The following CNBD1 variants were observed in gnomAD, a reference collection of about 807,000 sequenced individuals.
CNBD1 encodes the protein cyclic nucleotide-binding domain-containing protein 1.
Under a neutral mutation model 54.4 loss-of-function variants are expected in CNBD1, and 71 were observed. The ratio of observed to expected loss-of-function variants is 1.30; its 90% CI spans 1.08 to 1.59. CNBD1 has a LOEUF of 1.59. CNBD1 is among the 40% of genes most tolerant of loss of function. The pLI, the probability that CNBD1 is intolerant of heterozygous loss-of-function variation, is 0.00. For synonymous variants in CNBD1, 182 were observed against 170.7 expected (o/e 1.07, Z -0.51); for missense variants, 659 against 518.0 (o/e 1.27, Z -2.64).
At chr8:87,093,187 A>G (rs993364504) in intron 4 of CNBD1, among the ~76,000 whole-genome samples, 3 of 152,234 alleles carry the variant, frequency 2.0e-5, no homozygotes, top group Non-Finnish European at 2.9e-5. Context: ...AGGAAATGCA[A>G]TAAAGGATCC....
At chr8:86,878,577 G>GA (rs3063708) in intron 1 of CNBD1, among the ~76,000 whole-genome samples, 4,148 of 143,978 alleles carry the variant, frequency 0.029, 171 homozygotes, top group African/African-American at 0.095. Flanking sequence ...ACTTTATTCT[G>GA]AAAAAAAAAA....
chr8:87,383,367 G>A (rs148447966), downstream of CNBD1, among the ~76,000 whole-genome samples: 823 of 152,146 alleles, frequency 5.4e-3, 6 homozygotes, highest in African/African-American at 0.019. Flanking sequence ...GGGGAAAACC[G>A]TACGTTTATT....
Position 87,224,246 on chromosome 8 carries a change from A to C in CNBD1, c.578-12673A>C, listed in dbSNP as rs1814421569. On this transcript the variant is annotated intron_variant, in intron 5 of 10. Transcript: ENST00000518476. ...TGCTGTGCAGAAGCTCTTTAGTTTAATTAGATCCCATTTGTCAATTTTGTC... is the reference window on the plus strand; with the variant it reads ...TGCTGTGCAGAAGCTCTTTAGTTTACTTAGATCCCATTTGTCAATTTTGTC... Among the ~76,000 whole-genome samples the C allele has an allele frequency of 4.7e-5, 7 of 149,838 alleles. No homozygotes were observed. The South Asian group carries it at 1.5e-3, about 31-fold the overall frequency.
intron 4 of CNBD1, among the ~76,000 whole-genome samples, chr8:87,177,707 T>C (rs1813228089): frequency 6.6e-6 from 1 of 152,210 alleles, no homozygotes; most frequent in South Asian, 2.1e-4. Flanking sequence ...CTTTTTGTTT[T>C]AATTGCATTT....
At chr8:87,023,566 ATAC>A (rs1809533813) in intron 4 of CNBD1, among the ~76,000 whole-genome samples, 1 of 152,224 alleles carries the variant, frequency 6.6e-6, no homozygotes, top group African/African-American at 2.4e-5. Context: ...GAGACCCTTA[ATAC>A]TACTAATTTT....
intron 2 of CNBD1, among the ~76,000 whole-genome samples, chr8:87,393,211 G>A (rs549858373): frequency 2.0e-5 from 3 of 151,830 alleles, no homozygotes; most frequent in Admixed American, 6.6e-5. Flanking sequence ...GAGCAGGGAG[G>A]CAGTAGTCCC....
intron 4 of CNBD1, among the ~76,000 whole-genome samples, chr8:87,071,969 A>G (rs1281337622): frequency 6.6e-6 from 1 of 152,096 alleles, no homozygotes; most frequent in Non-Finnish European, 1.5e-5. Context: ...GTCTCTAAGA[A>G]CTTGCTTTAT....
intron 4 of CNBD1, among the ~76,000 whole-genome samples, chr8:87,114,359 T>C (rs1487427774): frequency 6.6e-6 from 1 of 152,210 alleles, no homozygotes; most frequent in Non-Finnish European, 1.5e-5. Context: ...ACTAATTTTT[T>C]TGTTTTTTTG....
At position 87,255,583 on chromosome 8, in the gene CNBD1, A is replaced by G. The variant is rs1392755410; in HGVS notation, c.771+18471A>G. 2.0e-5 allele frequency among the ~76,000 whole-genome samples: 3 copies of G among 151,944 alleles called. No individual in the cohort carries two copies. In the East Asian group the frequency reaches 5.8e-4, roughly 29 times the overall value. On this transcript the variant is annotated intron_variant, in intron 6 of 10. Transcript: ENST00000518476. Reference sequence around the variant, plus strand: ...GTTTTTAAAAAAATACTAAAAATAAATATCTGTTGTTATAATTTTTTAGCA... The same window carrying G: ...GTTTTTAAAAAAATACTAAAAATAAGTATCTGTTGTTATAATTTTTTAGCA...
rs1788001999 is a variant in CNBD1, at chr8:87,323,219, A to T, written c.1043-28466A>T. ...TTTGGTTACTGTAGCCTTGTAGTATAGTTTGAAGTCAGGTAGTGTGATGCC... is the reference window on the plus strand; with the variant it reads ...TTTGGTTACTGTAGCCTTGTAGTATTGTTTGAAGTCAGGTAGTGTGATGCC... On this transcript the variant is annotated intron_variant, in intron 8 of 10. Coordinates refer to ENST00000518476, the MANE Select transcript of CNBD1 (RefSeq NM_173538.3). Among the ~76,000 whole-genome samples, 2 of 114,460 alleles carry T rather than the reference A, an allele frequency of 1.7e-5. 1 individual carries two copies. The highest frequency in any genetic ancestry group is 3.8e-5 in the Non-Finnish European group (2 of 52,710). 75.1% of individuals were successfully genotyped at this position (114,460 alleles called of 152,430 possible).
intron 6 of CNBD1, among the ~76,000 whole-genome samples, chr8:87,237,774 T>G (rs1807612631): frequency 1.3e-5 from 2 of 151,982 alleles, no homozygotes; most frequent in African/African-American, 4.8e-5. Context: ...ACCAAATAAT[T>G]TAGCATTATG....
intron 4 of CNBD1, among the ~76,000 whole-genome samples, chr8:86,964,892 A>G (rs1808030520): frequency 1.3e-5 from 2 of 152,180 alleles, no homozygotes; most frequent in Admixed American, 1.3e-4. Flanking sequence ...CAAGGCAAAG[A>G]AAAATAGTCC....
downstream of CNBD1, among the ~76,000 whole-genome samples, chr8:87,383,059 G>T (rs576594086): frequency 2.0e-5 from 3 of 151,974 alleles, no homozygotes; most frequent in Non-Finnish European, 4.4e-5. Flanking sequence ...AATCTATAAA[G>T]CATATGTAAA....
chr8:87,019,709 C>G (rs1409661195), intron 4 of CNBD1, among the ~76,000 whole-genome samples: 3 of 152,036 alleles, frequency 2.0e-5, no homozygotes, highest in Non-Finnish European at 4.4e-5. Context: ...GAAACCCTGT[C>G]TCTACTAAAA....
intron 4 of CNBD1, among the ~76,000 whole-genome samples, chr8:86,949,516 G>T (rs1030412146): frequency 6.6e-6 from 1 of 152,046 alleles, no homozygotes; most frequent in Non-Finnish European, 1.5e-5. Context: ...TAGTAAATGG[G>T]ATTACTTTTT....
Position 87,353,329 on chromosome 8 carries a change from A to C in CNBD1, c.1153-307A>C, listed in dbSNP as rs377112617. On this transcript the variant is annotated intron_variant, in intron 9 of 10. Transcript: ENST00000518476. ...AAACATCTTAAATGAAACTATGCTC[A>C]CAAAATGATATCCTAGATCCTTGAA... 7.5e-4 allele frequency among the ~76,000 whole-genome samples: 114 copies of C among 152,300 alleles called. No individual in the cohort carries two copies. In the East Asian group the frequency reaches 8.9e-3, roughly 12 times the overall value.
chr8:87,386,338 C>G (rs62528160), downstream of CNBD1, among the ~76,000 whole-genome samples: 1 of 151,730 alleles, frequency 6.6e-6, no homozygotes, highest in Non-Finnish European at 1.5e-5. Flanking sequence ...AAGTTCGAAC[C>G]CATGGCAAAG....
chr8:87,090,951 G>A (rs1412824711), intron 4 of CNBD1, among the ~76,000 whole-genome samples: 1 of 151,892 alleles, frequency 6.6e-6, no homozygotes, highest in African/African-American at 2.4e-5. Context: ...GACAAGCCTG[G>A]CCAACATGTG....
chr8:87,380,551 A>T lies in CNBD1; in HGVS notation c.1304-2069A>T, dbSNP rs1226338888. 2.0e-5 allele frequency among the ~76,000 whole-genome samples: 3 copies of T among 152,088 alleles called. No individual in the cohort carries two copies. In the South Asian group the frequency reaches 6.2e-4, roughly 32 times the overall value. On this transcript the variant is annotated intron_variant, in intron 10 of 10. Transcript: ENST00000518476. ...AAAAATTGTTTTGTCTATTTCTGAA[A>T]AAAAGCACCATTAGGATTTTAATAG...
Sources: gnomAD v4.1 joint callset for allele counts (sites outside exome capture counted in the v4.1 genomes callset) on GRCh38, gnomAD v4.1.1 for gene constraint, MANE v1.5 for transcripts, NCBI Gene and HGNC (gene_info 2026-07-23, HGNC 2026-07-21) for gene names.